Variants in ADAMTSL1 observed in about 807,000 individuals in gnomAD.
The protein encoded by ADAMTSL1 is ADAMTS-like protein 1.
ADAMTSL1 carries 126 observed loss-of-function variants against 201.8 expected under a neutral mutation model. The ratio of observed to expected loss-of-function variants is 0.62; its 90% CI spans 0.54 to 0.72. The LOEUF (loss-of-function observed/expected upper bound fraction) is 0.72, where lower values mean the gene tolerates loss of function less well. ADAMTSL1 is among the 30% of genes least tolerant of loss of function. The probability of loss-of-function intolerance (pLI) is 0.00; values close to 1 mark genes in which losing one functional copy is unlikely to be tolerated. For missense variants in ADAMTSL1, 2,679 were observed against 2,277.8 expected (o/e 1.18, Z -3.59); for synonymous variants, 1,121 against 903.4 (o/e 1.24, Z -4.32).
At chr9:18,016,456 C>T (rs2131571837) in intron 1 of ADAMTSL1, among the ~76,000 whole-genome samples, 1 of 152,068 alleles carries the variant, frequency 6.6e-6, no homozygotes, top group East Asian at 1.9e-4. Flanking sequence ...GTACTTGAAA[C>T]TCACAGAAGC....
At chr9:18,712,870 A>G (rs1161637150) in intron 14 of ADAMTSL1, among the ~76,000 whole-genome samples, 3 of 148,762 alleles carry the variant, frequency 2.0e-5, no homozygotes, top group Admixed American at 6.7e-5. Context: ...TTACCCTCAA[A>G]GGGAAGCCCA....
At chr9:17,931,102 A>C (rs1484597269) in intron 1 of ADAMTSL1, among the ~76,000 whole-genome samples, 1 of 152,196 alleles carries the variant, frequency 6.6e-6, no homozygotes, top group East Asian at 1.9e-4. Context: ...AACAGAAAAA[A>C]AGACCTATTG....
intron 15 of ADAMTSL1, among the ~76,000 whole-genome samples, chr9:18,735,800 G>C (rs1389320305): frequency 1.4e-5 from 2 of 141,950 alleles, no homozygotes; most frequent in African/African-American, 2.6e-5. Context: ...GTCCAGGCTG[G>C]AATGCAGTGG....
At chr9:18,038,113 G>A (rs1437132276) in intron 1 of ADAMTSL1, among the ~76,000 whole-genome samples, 2 of 152,146 alleles carry the variant, frequency 1.3e-5, no homozygotes, top group Non-Finnish European at 2.9e-5. Context: ...CTGGCTTCCC[G>A]CCATTATGGC....
intron 16 of ADAMTSL1, among the ~76,000 whole-genome samples, chr9:18,766,194 T>C (rs1304275140): frequency 6.6e-6 from 1 of 152,206 alleles, no homozygotes; most frequent in Non-Finnish European, 1.5e-5. Context: ...TGGCATTTAA[T>C]AAATTTATGT....
chr9:17,934,708 A>G (rs543676268), intron 1 of ADAMTSL1, among the ~76,000 whole-genome samples: 31 of 152,168 alleles, frequency 2.0e-4, no homozygotes, highest in South Asian at 8.3e-4. Flanking sequence ...GCTATCAGAC[A>G]AAAAGTCAAA....
chr9:18,795,681 G>A (rs7847591), intron 20 of ADAMTSL1, among the ~76,000 whole-genome samples, 157 bp downstream of exon 20: 20,119 of 152,246 alleles, frequency 0.13, 1,474 homozygotes, highest in Middle Eastern at 0.23. Context: ...TGTAGTATGA[G>A]GTAGAATGAA....
intron 23 of ADAMTSL1, among the ~76,000 whole-genome samples, chr9:18,879,647 A>G (rs1380214429): frequency 6.6e-6 from 1 of 152,254 alleles, no homozygotes; most frequent in African/African-American, 2.4e-5. Flanking sequence ...AAAATACTTT[A>G]TTGCTAAAAA....
At chr9:18,424,609 A>T (rs1180619123) in intron 2 of ADAMTSL1, among the ~76,000 whole-genome samples, 1 of 152,224 alleles carries the variant, frequency 6.6e-6, no homozygotes, top group Non-Finnish European at 1.5e-5. Context: ...AACATATACA[A>T]GGGGAAGAAA....
At chr9:17,959,663 C>G (rs920411372) in intron 1 of ADAMTSL1, among the ~76,000 whole-genome samples, 1 of 152,044 alleles carries the variant, frequency 6.6e-6, no homozygotes, top group African/African-American at 2.4e-5. Context: ...TCACCATTGT[C>G]CAGGCTGGCC....
At chr9:18,007,654 A>G (rs914158660) in intron 1 of ADAMTSL1, among the ~76,000 whole-genome samples, 4 of 151,956 alleles carry the variant, frequency 2.6e-5, no homozygotes, top group African/African-American at 9.7e-5. Flanking sequence ...GAGCTCTGGT[A>G]ATGGGGATGA....
intron 2 of ADAMTSL1, among the ~76,000 whole-genome samples, chr9:18,527,794 A>G (rs563865822): frequency 6.6e-6 from 1 of 152,332 alleles, no homozygotes; most frequent in Non-Finnish European, 1.5e-5. Context: ...AATTAAATCA[A>G]AATCTGACTG....
rs542485421 is a variant in ADAMTSL1, at chr9:18,906,900, C to T, written c.5170C>T (p.Pro1724Ser). 4.6e-5 allele frequency: 75 copies of T among 1,613,930 alleles called. 1 individual carries two copies. The South Asian group carries it at 8.2e-4, about 18-fold the overall frequency. The change falls in exon 28 of 29, where the codon CCA becomes TCA. Residue 1724 changes from proline (P) to serine (S), a missense_variant. Physicochemically the swap from Pro to Ser is moderately conservative, Grantham distance 74. Transcript: ENST00000380548. ...CAACTGGCAGCGCTGCAACATCACC[C>T]CATGTGAAAACAGTATGTTCCAACC... Reference protein sequence around the residue: ...PANWQRCNITPCENMECRDTT... With the variant: ...PANWQRCNITSCENMECRDTT...
chr9:18,305,849 A>G (rs2132756860), intron 2 of ADAMTSL1, among the ~76,000 whole-genome samples: 1 of 152,076 alleles, frequency 6.6e-6, no homozygotes, highest in East Asian at 1.9e-4. Flanking sequence ...CACAGCACTC[A>G]AGCTCTACTA....
At chr9:18,080,215 CA>C (rs1361199870) in intron 1 of ADAMTSL1, among the ~76,000 whole-genome samples, 1 of 152,086 alleles carries the variant, frequency 6.6e-6, no homozygotes, top group Non-Finnish European at 1.5e-5. Flanking sequence ...CCTCAGTGAA[CA>C]AAGAGTAGTG....
At chr9:18,507,695 G>A (rs746075529) in intron 2 of ADAMTSL1, among the ~76,000 whole-genome samples, 2 of 152,064 alleles carry the variant, frequency 1.3e-5, no homozygotes, top group East Asian at 1.9e-4. Context: ...CAAGGCATGC[G>A]TATACACCTA....
At chr9:18,233,441 T>C (rs967510100) in intron 2 of ADAMTSL1, among the ~76,000 whole-genome samples, 1 of 152,190 alleles carries the variant, frequency 6.6e-6, no homozygotes, top group Non-Finnish European at 1.5e-5. Flanking sequence ...TGAGTCTACA[T>C]GCTTATGGTG....
chr9:18,711,268 C>T (rs564822271), intron 14 of ADAMTSL1, among the ~76,000 whole-genome samples: 1 of 152,216 alleles, frequency 6.6e-6, no homozygotes, highest in Non-Finnish European at 1.5e-5. Context: ...AGGAACAGCT[C>T]CGATCTACAG....
At chr9:18,578,339 A>G (rs986001495) in intron 4 of ADAMTSL1, among the ~76,000 whole-genome samples, 17 of 152,250 alleles carry the variant, frequency 1.1e-4, no homozygotes, top group East Asian at 5.8e-4. Context: ...GATTCTGACA[A>G]TCATCCCCAG....
Sources: allele counts gnomAD v4.1 joint callset (sites outside exome capture counted in the v4.1 genomes callset), GRCh38; gene constraint gnomAD v4.1.1; transcripts MANE v1.5; gene names NCBI Gene and HGNC (gene_info 2026-07-23, HGNC 2026-07-21).